The following SLF1 variants were observed in gnomAD, a reference collection of about 807,000 sequenced individuals.
SLF1 encodes SMC5/6 complex localization factor 1.
Under a neutral mutation model 123.0 loss-of-function variants are expected in SLF1, and 105 were observed. The observed-to-expected ratio is 0.85, with a 90% CI of 0.73 to 1.00. The LOEUF (loss-of-function observed/expected upper bound fraction) is 1.00, where lower values mean the gene tolerates loss of function less well. SLF1 is among the 50% of genes least tolerant of loss of function. The pLI is 0.00. For missense variants in SLF1, 1,239 were observed against 1,223.0 expected (o/e 1.01, Z -0.20); for synonymous variants, 434 against 406.6 (o/e 1.07, Z -0.81).
chr5:94,636,161 T>G (rs2152469906), intron 4 of SLF1, among the ~76,000 whole-genome samples: 1 of 152,332 alleles, frequency 6.6e-6, no homozygotes, highest in East Asian at 1.9e-4. Context: ...GGTAATTACG[T>G]TCAGACTCTT....
chr5:94,649,307 T>C, intron 5 of SLF1, 147 bp from the exon 6 acceptor site: 1 of 547,394 alleles, frequency 1.8e-6, no homozygotes. Context: ...TTTTTATCAG[T>C]GTTTAACATC....
intron 1 of SLF1, among the ~76,000 whole-genome samples, chr5:94,620,929 C>T (rs1179333838): frequency 6.6e-6 from 1 of 152,128 alleles, no homozygotes; most frequent in African/African-American, 2.4e-5. Context: ...ATATGAATCA[C>T]TCTAATGATT....
At chr5:94,683,576 G>C (rs1176268020) in intron 15 of SLF1, among the ~76,000 whole-genome samples, 1 of 152,208 alleles carries the variant, frequency 6.6e-6, no homozygotes, top group African/African-American at 2.4e-5. Flanking sequence ...AGAGTAAGTA[G>C]AAGTTTGACA....
intron 1 of SLF1, among the ~76,000 whole-genome samples, chr5:94,628,060 C>G (rs1744748332): frequency 6.6e-6 from 1 of 152,064 alleles, no homozygotes; most frequent in Admixed American, 6.5e-5. Context: ...CTCCTGACCT[C>G]AGGTAATCTG....
intron 15 of SLF1, among the ~76,000 whole-genome samples, chr5:94,684,721 A>G (rs75852581): frequency 1.3e-5 from 2 of 150,810 alleles, no homozygotes; most frequent in Non-Finnish European, 3.0e-5. Context: ...AAAAAAAAAA[A>G]AAGTATCTCT....
At chr5:94,669,662 T>C (rs1750213884) in intron 12 of SLF1, among the ~76,000 whole-genome samples, 1 of 151,560 alleles carries the variant, frequency 6.6e-6, no homozygotes. Context: ...AGGACTGCTC[T>C]AGAAGACAGA....
chr5:94,670,061 C>A, intron 12 of SLF1, 90 bp from the exon 13 acceptor site: 1 of 1,218,844 alleles, frequency 8.2e-7, no homozygotes, highest in South Asian at 1.9e-5. Context: ...ATTAAAATTC[C>A]AGCAGTATTC....
intron 15 of SLF1, among the ~76,000 whole-genome samples, chr5:94,682,140 G>A (rs921360579): frequency 2.6e-5 from 4 of 152,178 alleles, no homozygotes; most frequent in South Asian, 4.1e-4. Context: ...TTGAATGTTA[G>A]TGATCAAATA....
intron 4 of SLF1, among the ~76,000 whole-genome samples, chr5:94,642,782 AT>A (rs1347480792): frequency 2.6e-5 from 4 of 151,656 alleles, no homozygotes; most frequent in Non-Finnish European, 5.9e-5. Flanking sequence ...TTATTTTTTT[AT>A]TTTGTAAAAT....
chr5:94,627,601 T>TATATATATATAC (rs1554061284), intron 1 of SLF1, among the ~76,000 whole-genome samples: 3 of 134,462 alleles, frequency 2.2e-5, no homozygotes, highest in African/African-American at 8.6e-5. Context: ...TATATATATA[T>TATATATATATAC]ATATATATAT....
At chr5:94,684,591 G>A (rs762305153) in intron 15 of SLF1, among the ~76,000 whole-genome samples, 4 of 151,130 alleles carry the variant, frequency 2.6e-5, no homozygotes, top group Non-Finnish European at 5.9e-5. Context: ...CCAGCTACTC[G>A]GGAGCCTGAG....
At chr5:94,693,715 C>T (rs898997877) in intron 20 of SLF1, among the ~76,000 whole-genome samples, 2 of 149,230 alleles carry the variant, frequency 1.3e-5, no homozygotes, top group Admixed American at 6.7e-5. Context: ...TTCTCTAAAA[C>T]GTTTGTTTAC....
At chr5:94,643,753 C>G (rs1356438624) in intron 5 of SLF1, among the ~76,000 whole-genome samples, 1 of 152,038 alleles carries the variant, frequency 6.6e-6, no homozygotes, top group Non-Finnish European at 1.5e-5. Flanking sequence ...GAAAAGAGAG[C>G]TATTTCTAAG....
At chr5:94,676,596 T>C (rs545464207) in intron 14 of SLF1, among the ~76,000 whole-genome samples, 22 of 152,238 alleles carry the variant, frequency 1.4e-4, no homozygotes, top group Non-Finnish European at 2.8e-4. Context: ...TTCTTAATCA[T>C]GCAGCTTTTA....
rs371285053 is a variant in SLF1 at position 94,624,217 on chromosome 5, C to T, written c.1-4594C>T. On this transcript the variant is annotated intron_variant, in intron 1 of 20. Transcript: ENST00000265140. The stretch of plus-strand genomic sequence containing the variant: ...GAATCAGGACATTCTGTTTTTTCAC[C>T]TTTGTTTCCTACTTCCCTTTCCTCC... Among the ~76,000 whole-genome samples the T allele has an allele frequency of 8.5e-5, 13 of 152,124 alleles. No homozygotes were observed. In the East Asian group the frequency reaches 2.3e-3, roughly 27 times the overall value.
intron 9 of SLF1, among the ~76,000 whole-genome samples, chr5:94,657,113 T>C (rs2152482193): frequency 6.6e-6 from 1 of 151,446 alleles, no homozygotes; most frequent in South Asian, 2.1e-4. Flanking sequence ...CTTGCTCTTC[T>C]TCTTCCTTGA....
chr5:94,694,052 A>G (rs1435742576), intron 20 of SLF1, among the ~76,000 whole-genome samples: 2 of 151,880 alleles, frequency 1.3e-5, no homozygotes, highest in African/African-American at 4.8e-5. Context: ...TAAAATCTTT[A>G]TATCCCCTGT....
At chr5:94,624,795 C>T (rs953933182) in intron 1 of SLF1, among the ~76,000 whole-genome samples, 5 of 151,978 alleles carry the variant, frequency 3.3e-5, no homozygotes, top group African/African-American at 1.2e-4. Flanking sequence ...ACCCAGACTT[C>T]TTTGGCAATA....
intron 4 of SLF1, among the ~76,000 whole-genome samples, chr5:94,634,120 T>C (rs1334625357): frequency 6.6e-6 from 1 of 152,248 alleles, no homozygotes; most frequent in Non-Finnish European, 1.5e-5. Context: ...ATAGAATAAT[T>C]TAATTTTCTA....
Sources: gnomAD v4.1 joint callset for allele counts (sites outside exome capture counted in the v4.1 genomes callset) on GRCh38, gnomAD v4.1.1 for gene constraint, MANE v1.5 for transcripts, NCBI Gene and HGNC (gene_info 2026-07-23, HGNC 2026-07-21) for gene names.